The following RGS17 variants were observed in gnomAD, a reference collection of about 807,000 sequenced individuals.
The protein encoded by RGS17 is regulator of G-protein signaling 17.
In RGS17, 12 loss-of-function variants were observed where a neutral mutation model predicts 25.5. That is an observed-to-expected ratio of 0.47 (90% CI 0.30 to 0.76). The LOEUF is 0.76. RGS17 is among the 30% of genes least tolerant of loss of function. The probability of loss-of-function intolerance (pLI) is 0.07; values close to 1 mark genes in which losing one functional copy is unlikely to be tolerated. For missense variants in RGS17, 196 were observed against 242.2 expected, an observed-to-expected ratio of 0.81 and a Z score of 1.27; for synonymous variants, 71 against 76.9, an observed-to-expected ratio of 0.92 and a Z score of 0.40.
In RGS17 at chr6:153,107,414, T is replaced by C. The variant is rs139102572; in HGVS notation, c.-26+23710A>G. Reference sequence around the variant, plus strand: ...CCTAATATTGTAGTTATGTCTGAAATGTCAAAAACAAGTTTAATACAAATT... The same window carrying C: ...CCTAATATTGTAGTTATGTCTGAAACGTCAAAAACAAGTTTAATACAAATT... On this transcript the variant is annotated intron_variant, in intron 1 of 4. Transcript: ENST00000206262. Among the ~76,000 whole-genome samples the C allele has an allele frequency of 5.9e-5, 9 of 152,332 alleles. No homozygotes were observed. The East Asian group carries it at 1.7e-3, about 29-fold the overall frequency.
intron 2 of RGS17, among the ~76,000 whole-genome samples, chr6:153,033,995 A>G (rs917325214): frequency 1.3e-5 from 2 of 152,240 alleles, no homozygotes; most frequent in Non-Finnish European, 2.9e-5. Context: ...TGTCAAGTGC[A>G]TTAATTCAAT....
chr6:153,114,702 C>A (rs1334337146), intron 1 of RGS17, among the ~76,000 whole-genome samples: 1 of 152,178 alleles, frequency 6.6e-6, no homozygotes, highest in Non-Finnish European at 1.5e-5. Flanking sequence ...CAAACTGAAT[C>A]CAGCAGCACA....
At chr6:153,101,502 A>G (rs1208413659) in intron 1 of RGS17, among the ~76,000 whole-genome samples, 1 of 152,198 alleles carries the variant, frequency 6.6e-6, no homozygotes, top group Non-Finnish European at 1.5e-5. Flanking sequence ...TGTCATTTCT[A>G]TATACGGAAG....
chr6:153,069,606 A>G (rs1776756723), intron 1 of RGS17, among the ~76,000 whole-genome samples: 1 of 152,152 alleles, frequency 6.6e-6, no homozygotes, highest in Admixed American at 6.5e-5. Flanking sequence ...AAAATCACTA[A>G]AAGAGTATAA....
At chr6:153,088,375 T>C (rs550407931) in intron 1 of RGS17, among the ~76,000 whole-genome samples, 9 of 152,202 alleles carry the variant, frequency 5.9e-5, no homozygotes, top group African/African-American at 1.9e-4. Flanking sequence ...GATGTTGAGT[T>C]TGATATAAGA....
intron 1 of RGS17, among the ~76,000 whole-genome samples, chr6:153,084,042 C>G (rs1777019790): frequency 6.6e-6 from 1 of 152,166 alleles, no homozygotes; most frequent in Non-Finnish European, 1.5e-5. Context: ...GAATAACTCA[C>G]TGAAATTTTG....
In RGS17 at chr6:153,006,296, G is replaced by A. The variant is rs1779073296; in HGVS notation, c.*5278C>T. On this transcript the variant is annotated 3_prime_UTR_variant, in exon 5 of 5. Transcript: ENST00000206262. The stretch of plus-strand genomic sequence containing the variant: ...TATAACTCATTTATATATTTAGCAA[G>A]TAATTTGATATTATTTCTGTCCTTG... The A allele has an allele frequency of 6.6e-6, 1 of 152,366 alleles. No individual in the cohort carries two copies. Among genetic ancestry groups the A allele is most frequent in the Non-Finnish European group, 1.5e-5 (1 of 68,018 alleles). 9.4% of individuals were successfully genotyped at this position (152,366 alleles called of 1,614,324 possible). A position where few individuals can be genotyped will look rare whatever the true frequency, so the allele number is the denominator to read the frequency against.
At chr6:153,083,715 A>C (rs1028690634) in intron 1 of RGS17, among the ~76,000 whole-genome samples, 2 of 152,220 alleles carry the variant, frequency 1.3e-5, no homozygotes, top group Non-Finnish European at 2.9e-5. Context: ...CACATCAATT[A>C]CATTTAAACA....
chr6:153,050,475 A>T (rs1234657190), intron 1 of RGS17, among the ~76,000 whole-genome samples: 4 of 152,184 alleles, frequency 2.6e-5, no homozygotes, highest in African/African-American at 9.7e-5. Context: ...AAATACTCCA[A>T]ATTAAATGAA....
chr6:153,108,209 A>G (rs1777413354), intron 1 of RGS17, among the ~76,000 whole-genome samples: 1 of 152,226 alleles, frequency 6.6e-6, no homozygotes, highest in Admixed American at 6.5e-5. Context: ...TTTTCCCAAA[A>G]GTTTAGACAA....
chr6:153,126,415 G>A (rs13215402), intron 1 of RGS17, among the ~76,000 whole-genome samples: 74,003 of 151,992 alleles, frequency 0.49, 18,800 homozygotes, highest in East Asian at 0.85. Context: ...GAACCCCAAT[G>A]CCCTGGCTGA....
rs1776508521 is a variant in RGS17, at chr6:153,054,009, CGTATATATGTATATAATATATATACATAT to C, written c.-25-9995_-25-9967del. Among the ~76,000 whole-genome samples the C allele has an allele frequency of 2.3e-4, 9 of 39,242 alleles. 1 individual carries two copies. Among genetic ancestry groups the C allele is most frequent in the African/African-American group, 8.6e-4 (9 of 10,466 alleles). 25.7% of individuals were successfully genotyped at this position (39,242 alleles called of 152,430 possible). On this transcript the variant is annotated intron_variant, in intron 1 of 4. Coordinates refer to ENST00000206262, the MANE Select transcript of RGS17 (RefSeq NM_012419.5). ...TGTATATAATATATATACATATATA[CGTATATATGTATATAATATATATACATAT>C]ATATGTATATATGTATATAATATAT... is the stretch of plus-strand genomic sequence containing the variant.
intron 1 of RGS17, among the ~76,000 whole-genome samples, chr6:153,073,536 G>C (rs1253846331): frequency 2.0e-5 from 3 of 152,168 alleles, no homozygotes; most frequent in South Asian, 2.1e-4. Flanking sequence ...CCCAGGGACA[G>C]TGCAGCACCC....
At position 153,020,107 on chromosome 6, in the gene RGS17, A is replaced by ATATATATATATATAT. The variant is rs1205305073; in HGVS notation, c.444+4154_444+4155insATATATATATATATA. Among the ~76,000 whole-genome samples the ATATATATATATATAT allele has an allele frequency of 3.3e-4, 16 of 47,842 alleles. No homozygotes were observed. In the South Asian group the frequency reaches 4.0e-3, roughly 12 times the overall value. 31.4% of individuals were successfully genotyped at this position (47,842 alleles called of 152,430 possible). On this transcript the variant is annotated intron_variant, in intron 4 of 4. Transcript: ENST00000206262. ...TCCTAATTGCAAATATCTTAAAAAA[A>ATATATATATATATAT]AAAAATATATATATATATATATATA...
intron 1 of RGS17, among the ~76,000 whole-genome samples, chr6:153,089,198 A>G (rs681726): frequency 0.9 from 136,517 of 151,578 alleles, 61,570 homozygotes; most frequent in East Asian, 0.97. Context: ...TATGAAACAC[A>G]TTTTACAAAT....
rs1304157695 is a variant in RGS17 at position 153,008,603 on chromosome 6, TCTAA to T, written c.*2967_*2970del. 1 of 152,238 alleles carries T rather than the reference TCTAA, an allele frequency of 6.6e-6. No individual in the cohort carries two copies. Among genetic ancestry groups the T allele is most frequent in the Non-Finnish European group, 1.5e-5 (1 of 68,030 alleles). 9.4% of individuals were successfully genotyped at this position (152,238 alleles called of 1,614,324 possible). On this transcript the variant is annotated 3_prime_UTR_variant, in exon 5 of 5. Coordinates refer to ENST00000206262, the MANE Select transcript of RGS17 (RefSeq NM_012419.5). ...TCCTCTACTTTCTTTTATAGATACA[TCTAA>T]AGTTAGGCACTATAGAAAGTGCATT...
At chr6:153,097,647 G>A (rs1281063534) in intron 1 of RGS17, among the ~76,000 whole-genome samples, 1 of 152,030 alleles carries the variant, frequency 6.6e-6, no homozygotes, top group East Asian at 1.9e-4. Context: ...TCAGTCTAAG[G>A]AGATATGACA....
intron 1 of RGS17, among the ~76,000 whole-genome samples, chr6:153,087,070 G>A (rs970976100): frequency 8.9e-6 from 1 of 112,962 alleles, no homozygotes; most frequent in African/African-American, 3.1e-5. Context: ...ATCACCTAAG[G>A]TCAGGAGTTT....
intron 4 of RGS17, among the ~76,000 whole-genome samples, chr6:153,015,723 G>A (rs904913737): frequency 1.3e-5 from 2 of 150,954 alleles, no homozygotes; most frequent in African/African-American, 2.4e-5. Flanking sequence ...GCGCGATCTC[G>A]GCTCACTGCA....
Sources: gnomAD v4.1 joint callset for allele counts (sites outside exome capture counted in the v4.1 genomes callset) on GRCh38, gnomAD v4.1.1 for gene constraint, MANE v1.5 for transcripts, NCBI Gene and HGNC (gene_info 2026-07-23, HGNC 2026-07-21) for gene names.